Variants in ALDH4A1 observed in about 807,000 individuals in gnomAD.
ALDH4A1 encodes the protein aldehyde dehydrogenase 4 family member A1.
In ALDH4A1, 46 loss-of-function variants were observed where a neutral mutation model predicts 70.5. That is an observed-to-expected ratio of 0.65 (90% confidence interval 0.51 to 0.83). The LOEUF is 0.83. Among genes scored for constraint, ALDH4A1 ranks in the 40% least tolerant of loss-of-function variants. The pLI is 0.00. For missense variants in ALDH4A1, 749 were observed against 766.5 expected (o/e 0.98, Z 0.27); for synonymous variants, 323 against 324.3 (o/e 1.00, Z 0.04).
rs745470445 is a variant in ALDH4A1 at position 18,876,309 on chromosome 1, A to G, written c.1338+6T>C. ...CTCTGGACCCCAGGCTGCCCACCCC[A>G]GTCACCTCCTTCATGATGGGCTCCT... On this transcript the variant is annotated splice_donor_region_variant and intron_variant, in intron 12 of 14. Coordinates refer to ENST00000375341, the MANE Select transcript of ALDH4A1 (RefSeq NM_003748.4). 7 of 1,613,528 alleles carry G rather than the reference A, an allele frequency of 4.3e-6. No homozygotes were observed. Among genetic ancestry groups the G allele is most frequent in the Non-Finnish European group, 5.9e-6 (7 of 1,179,932 alleles).
At position 18,883,313 on chromosome 1, in the gene ALDH4A1, G is replaced by A. The variant is rs757819366; in HGVS notation, c.569C>T (p.Pro190Leu). Residue 190 changes from proline to leucine, a missense_variant, in exon 6 of 15, where the codon CCG becomes CTG. Pro to Leu is a moderately conservative substitution (Grantham distance 98, BLOSUM62 -3). Transcript: ENST00000375341. ...CCGGTACACCGTGCTGTTGGTGCTC[G>A]GGGGCACGCTGATGGGCTGCTGCCC... Reference protein sequence around the residue: ...LEGQQPISVPPSTNSTVYRGL... With the variant: ...LEGQQPISVPLSTNSTVYRGL... 26 of 1,613,178 alleles carry A rather than the reference G, an allele frequency of 1.6e-5. No individual in the cohort carries two copies. Among genetic ancestry groups the A allele is most frequent in the South Asian group, 3.3e-5 (3 of 91,092 alleles).
At chr1:18,885,880 C>T (rs1017171787) in intron 4 of ALDH4A1, among the ~76,000 whole-genome samples, 44 of 152,190 alleles carry the variant, frequency 2.9e-4, no homozygotes, top group Admixed American at 3.9e-4. Context: ...CACTGAGTCC[C>T]GCAGCTGTTA....
At chr1:18,899,513 G>T (rs1443866791) in intron 1 of ALDH4A1, among the ~76,000 whole-genome samples, 1 of 152,222 alleles carries the variant, frequency 6.6e-6, no homozygotes, top group Non-Finnish European at 1.5e-5. Flanking sequence ...GAGAACTGAG[G>T]ATACTGATGG....
chr1:18,891,488 C>A (rs1442426783), intron 1 of ALDH4A1, among the ~76,000 whole-genome samples: 1 of 152,014 alleles, frequency 6.6e-6, no homozygotes, highest in Non-Finnish European at 1.5e-5. Context: ...GTTCACTGGT[C>A]GGCGCAATGA....
intron 14 of ALDH4A1, 91 bp downstream of exon 14, chr1:18,874,372 C>T (rs2100550275): frequency 1.6e-6 from 2 of 1,216,630 alleles, no homozygotes; most frequent in Non-Finnish European, 2.4e-6. Flanking sequence ...TAAATGGTAT[C>T]CTTCCTATTA....
chr1:18,879,096 T>C (rs1934856926), intron 9 of ALDH4A1, among the ~76,000 whole-genome samples: 1 of 152,244 alleles, frequency 6.6e-6, no homozygotes, highest in African/African-American at 2.4e-5. Flanking sequence ...TCCATGGCCA[T>C]GTGTGGCTGG....
At chr1:18,900,487 G>C (rs1165464522) in intron 1 of ALDH4A1, among the ~76,000 whole-genome samples, 1 of 152,230 alleles carries the variant, frequency 6.6e-6, no homozygotes, top group East Asian at 1.9e-4. Flanking sequence ...CAATGTCTGG[G>C]AACTTGTGTT....
At chr1:18,886,702 C>T (rs920571136) in intron 3 of ALDH4A1, among the ~76,000 whole-genome samples, 191 bp from the exon 4 acceptor site, 13 of 152,140 alleles carry the variant, frequency 8.5e-5, no homozygotes, top group South Asian at 2.1e-4. Flanking sequence ...CTGGTGTACC[C>T]GCTATACCAT....
Position 18,872,762 on chromosome 1 carries a change from G to A in ALDH4A1, c.*83C>T. 9.9e-7 allele frequency: 1 copy of A among 1,005,750 alleles called. No homozygotes were observed. Among genetic ancestry groups the A allele is most frequent in the Non-Finnish European group, 1.5e-6 (1 of 647,544 alleles). 62.3% of individuals were successfully genotyped at this position (1,005,750 alleles called of 1,614,324 possible). On this transcript the variant is annotated 3_prime_UTR_variant, in exon 15 of 15. Coordinates refer to ENST00000375341, the MANE Select transcript of ALDH4A1 (RefSeq NM_003748.4). ...AAAGGCAGCTGTGCATGAAGAAGGG[G>A]TGGAGGGGCTGGAGTGGGGTCTGTG...
At chr1:18,891,743 G>C (rs1449816583) in intron 1 of ALDH4A1, among the ~76,000 whole-genome samples, 1 of 152,150 alleles carries the variant, frequency 6.6e-6, no homozygotes, top group Non-Finnish European at 1.5e-5. Context: ...ATCATGAAGA[G>C]AAGGCCCGGC....
intron 3 of ALDH4A1, among the ~76,000 whole-genome samples, chr1:18,887,324 G>C (rs183620020): frequency 1.5e-4 from 23 of 152,392 alleles, no homozygotes; most frequent in Non-Finnish European, 2.6e-4. Flanking sequence ...TGTTGGCCGG[G>C]CGCGGTGGCT....
intron 1 of ALDH4A1, among the ~76,000 whole-genome samples, chr1:18,897,488 A>T (rs983414943): frequency 6.6e-6 from 1 of 152,184 alleles, no homozygotes; most frequent in Non-Finnish European, 1.5e-5. Flanking sequence ...GGTTGCAGTG[A>T]GCCAAGATCT....
intron 4 of ALDH4A1, among the ~76,000 whole-genome samples, chr1:18,886,256 G>A (rs937254750): frequency 6.6e-6 from 1 of 152,186 alleles, no homozygotes; most frequent in African/African-American, 2.4e-5. Context: ...CTTGTGTTTG[G>A]CTCAAGTTAA....
chr1:18,874,701 C>A, intron 13 of ALDH4A1, 120 bp from the exon 14 acceptor site: 5 of 963,718 alleles, frequency 5.2e-6, no homozygotes, highest in Non-Finnish European at 3.2e-6. Flanking sequence ...GAGGCCGAGT[C>A]AGGGATGAGG....
chr1:18,877,511 A>G lies in ALDH4A1; in HGVS notation c.1042T>C (p.Cys348Arg), dbSNP rs771533896. Residue 348 changes from cysteine (C) to arginine (R), a missense_variant, in exon 10 of 15, where the codon TGT becomes CGT. Physicochemically the swap from Cys to Arg is radical, Grantham distance 180 (BLOSUM62 -3). Coordinates refer to ENST00000375341, the MANE Select transcript of ALDH4A1 (RefSeq NM_003748.4). ...RSAFEYGGQK[C>R]SACSRLYVPH... ...ACGTAGAGACGCGAGCACGCGGAAC[A>G]CTTCTGGCCACCGTACTCGAAGGCT... 1.9e-6 allele frequency: 3 copies of G among 1,610,658 alleles called. No homozygotes were observed. Among genetic ancestry groups the G allele is most frequent in the Admixed American group, 1.7e-5 (1 of 59,776 alleles).
rs1258740562 is a variant in ALDH4A1 at position 18,876,452 on chromosome 1, T to G, written c.1201A>C (p.Lys401Gln). ...VIDAKSFARI[K>Q]KWLEHARSSP... ...GAGCGTGCGTGCTCCAGCCACTTCT[T>G]GATACGGGCAAAGGACTGGGGTGGG... is the stretch of plus-strand genomic sequence containing the variant. The change falls in exon 12 of 15, where the codon AAG (lysine) becomes CAG (glutamine). Residue 401 changes from lysine (K) to glutamine (Q), a missense_variant. Transcript: ENST00000375341. 1 of 1,600,270 alleles carries G rather than the reference T, an allele frequency of 6.2e-7. No homozygotes were observed. The highest frequency in any genetic ancestry group is 8.5e-7 in the Non-Finnish European group (1 of 1,175,034).
chr1:18,893,127 C>T (rs1223276913), intron 1 of ALDH4A1, among the ~76,000 whole-genome samples: 1 of 152,210 alleles, frequency 6.6e-6, no homozygotes, highest in Non-Finnish European at 1.5e-5. Context: ...TGTCCCAGCC[C>T]CTCTTTGGAG....
At chr1:18,875,569 G>C (rs1226795879) in intron 12 of ALDH4A1, 66 bp from the exon 13 acceptor site, 1 of 1,611,626 alleles carries the variant, frequency 6.2e-7, no homozygotes, top group Non-Finnish European at 8.5e-7. Context: ...AGCCCTCCCA[G>C]TGCCCCTGCT....
Position 18,877,652 on chromosome 1 carries a change from G to T in ALDH4A1, c.941-40C>A. 2.2e-6 allele frequency: 3 copies of T among 1,389,478 alleles called. No homozygotes were observed. In the South Asian group the frequency reaches 3.5e-5, roughly 16 times the overall value. The allele number at this position is 1,389,478 out of a possible 1,614,324, so 86.1% of individuals were successfully genotyped here. A position where few individuals can be genotyped will look rare whatever the true frequency, so the allele number is the denominator to read the frequency against. ...GGTGGGGAAATGACCAGAGGAGCTG[G>T]CTCCCCCGGTTGCCCAGGGGCCCAA... is the stretch of plus-strand genomic sequence containing the variant. On this transcript the variant is annotated intron_variant, in intron 9 of 14. Transcript: ENST00000375341.
Sources: allele counts gnomAD v4.1 joint callset (sites outside exome capture counted in the v4.1 genomes callset), GRCh38; gene constraint gnomAD v4.1.1; transcripts MANE v1.5; gene names NCBI Gene and HGNC (gene_info 2026-07-23, HGNC 2026-07-21).